Variants in C1D observed in about 807,000 individuals in gnomAD.
C1D encodes the protein C1D nuclear receptor corepressor, also known as nuclear nucleic acid-binding protein C1D.
A neutral mutation model predicts 17.5 loss-of-function variants in C1D; 10 were observed. That is an observed-to-expected ratio of 0.57 (90% CI 0.35 to 0.97). The LOEUF is 0.97. C1D is among the 50% of genes least tolerant of loss of function. C1D has a pLI of 0.01. For missense variants in C1D, 136 were observed against 160.1 expected, an observed-to-expected ratio of 0.85 and a Z score of 0.81; for synonymous variants, 49 against 54.0, an observed-to-expected ratio of 0.91 and a Z score of 0.40.
At chr2:68,050,543 A>G (rs1162087662) in intron 1 of C1D, among the ~76,000 whole-genome samples, 1 of 152,162 alleles carries the variant, frequency 6.6e-6, no homozygotes, top group East Asian at 1.9e-4. Context: ...CTTGAGTGAC[A>G]CTGTTGACTG....
intron 1 of C1D, among the ~76,000 whole-genome samples, chr2:68,048,180 A>G (rs1671186019): frequency 6.6e-6 from 1 of 152,230 alleles, no homozygotes; most frequent in Non-Finnish European, 1.5e-5. Flanking sequence ...CTGACAGCCC[A>G]TGCTTTAAAA....
intron 1 of C1D, among the ~76,000 whole-genome samples, chr2:68,049,266 C>T (rs1456302350): frequency 6.7e-6 from 1 of 149,166 alleles, no homozygotes; most frequent in Non-Finnish European, 1.5e-5. Flanking sequence ...ACCTTACAAA[C>T]AAAAGAGAAT....
chr2:68,054,136 C>G (rs112488360), intron 1 of C1D, among the ~76,000 whole-genome samples: 5 of 152,210 alleles, frequency 3.3e-5, no homozygotes, highest in African/African-American at 9.6e-5. Flanking sequence ...TTCCACCTTA[C>G]GCCTGTTGTT....
At chr2:68,050,305 A>C (rs963097450) in intron 1 of C1D, among the ~76,000 whole-genome samples, 7 of 152,042 alleles carry the variant, frequency 4.6e-5, no homozygotes, top group South Asian at 2.1e-4. Flanking sequence ...AGAAACAAAA[A>C]AAAAAAAAAT....
At chr2:68,058,658 C>A (rs1223724443) in intron 1 of C1D, among the ~76,000 whole-genome samples, 2 of 152,162 alleles carry the variant, frequency 1.3e-5, no homozygotes, top group Admixed American at 1.3e-4. Flanking sequence ...GTGGGATGCT[C>A]TCTGGACAAA....
At position 68,046,398 on chromosome 2, in the gene C1D, C is replaced by G. The variant is rs1475141665; in HGVS notation, c.151G>C (p.Glu51Gln). ...GAAACCAAATCCACTTTTGCTTGTT[C>G]AAGTGGATCCAACTGTTAAAAAAGA... is the stretch of plus-strand genomic sequence containing the variant. The part of the protein sequence containing the change: ...NELLQKLDPL[E>Q]QAKVDLVSAY... The change falls in exon 3 of 5, where the codon GAA becomes CAA. Residue 51 changes from glutamate (E) to glutamine (Q), a missense_variant. Glu to Gln is a conservative substitution (Grantham distance 29). Coordinates refer to ENST00000410067, the MANE Select transcript of C1D (RefSeq NM_173177.3). 1.2e-6 allele frequency: 2 copies of G among 1,609,296 alleles called. No homozygotes were observed. The highest frequency in any genetic ancestry group is 1.7e-6 in the Non-Finnish European group (2 of 1,176,838).
intron 1 of C1D, among the ~76,000 whole-genome samples, chr2:68,051,244 C>A (rs1671272886): frequency 6.6e-6 from 1 of 152,210 alleles, no homozygotes; most frequent in African/African-American, 2.4e-5. Context: ...GTGGGCCCGG[C>A]CTGGTGGCTC....
At chr2:68,057,121 G>T (rs1671461512) in intron 1 of C1D, among the ~76,000 whole-genome samples, 1 of 152,108 alleles carries the variant, frequency 6.6e-6, no homozygotes, top group African/African-American at 2.4e-5. Context: ...GTGAACAAAA[G>T]TTGAAGAACA....
chr2:68,056,310 G>C (rs564029533), intron 1 of C1D, among the ~76,000 whole-genome samples: 9 of 152,060 alleles, frequency 5.9e-5, no homozygotes, highest in African/African-American at 1.9e-4. Context: ...TCACCATGTT[G>C]GCCAGGCTGT....
At chr2:68,049,670 T>C (rs1572882356) in intron 1 of C1D, among the ~76,000 whole-genome samples, 1 of 152,282 alleles carries the variant, frequency 6.6e-6, no homozygotes, top group Non-Finnish European at 1.5e-5. Flanking sequence ...TATTTAGCTG[T>C]TTAAGAATAC....
chr2:68,050,820 G>A (rs1279583973), intron 1 of C1D, among the ~76,000 whole-genome samples: 1 of 152,146 alleles, frequency 6.6e-6, no homozygotes, highest in Non-Finnish European at 1.5e-5. Context: ...AATATCTCTG[G>A]TTGGATGTCT....
intron 1 of C1D, among the ~76,000 whole-genome samples, chr2:68,056,307 G>A (rs1398687441): frequency 6.6e-6 from 1 of 152,024 alleles, no homozygotes; most frequent in Non-Finnish European, 1.5e-5. Flanking sequence ...GTTTCACCAT[G>A]TTGGCCAGGC....
chr2:68,057,688 A>G (rs1173268092), intron 1 of C1D, among the ~76,000 whole-genome samples: 1 of 152,194 alleles, frequency 6.6e-6, no homozygotes, highest in Non-Finnish European at 1.5e-5. Flanking sequence ...ATAAATAAAA[A>G]CTTCGATCAT....
chr2:68,041,263 G>A lies in C1D; in HGVS notation c.*1626C>T, dbSNP rs770413553. 2.0e-5 allele frequency: 3 copies of A among 151,946 alleles called. No homozygotes were observed. Among genetic ancestry groups the A allele is most frequent in the Admixed American group, 6.6e-5 (1 of 15,260 alleles). 9.4% of individuals were successfully genotyped at this position (151,946 alleles called of 1,614,324 possible). A position where few individuals can be genotyped will look rare whatever the true frequency, so the allele number is the denominator to read the frequency against. On this transcript the variant is annotated 3_prime_UTR_variant, in exon 5 of 5. Coordinates refer to ENST00000410067, the MANE Select transcript of C1D (RefSeq NM_173177.3). Reference sequence around the variant, plus strand: ...TAAAAGTTACACAATTTAACAGAACGTAGAGGTGCACTTTCATAAACCAAT... The same window carrying A: ...TAAAAGTTACACAATTTAACAGAACATAGAGGTGCACTTTCATAAACCAAT...
At chr2:68,054,867 G>A (rs1671392948) in intron 1 of C1D, among the ~76,000 whole-genome samples, 1 of 151,772 alleles carries the variant, frequency 6.6e-6, no homozygotes, top group African/African-American at 2.4e-5. Flanking sequence ...TCAGGAGGCT[G>A]AGGTGAGAGA....
At chr2:68,053,290 G>C in intron 1 of C1D, 2 of 1,385,976 alleles carry the variant, frequency 1.4e-6, no homozygotes, top group Non-Finnish European at 1.9e-6. Context: ...CCTCTCACTG[G>C]TTATACAGAA....
chr2:68,049,041 A>T (rs1671210119), intron 1 of C1D, among the ~76,000 whole-genome samples: 1 of 152,128 alleles, frequency 6.6e-6, no homozygotes. Context: ...TACTAAAAAT[A>T]CAAAAATTAG....
At chr2:68,044,395 A>G (rs555696279) in intron 4 of C1D, among the ~76,000 whole-genome samples, 6 of 152,336 alleles carry the variant, frequency 3.9e-5, no homozygotes, top group Admixed American at 1.3e-4. Context: ...ATCATACACT[A>G]AGTCTGTGAT....
chr2:68,057,788 T>C lies in C1D; in HGVS notation c.-10+5170A>G, dbSNP rs558443241. 1.2e-4 allele frequency among the ~76,000 whole-genome samples: 18 copies of C among 152,350 alleles called. No individual in the cohort carries two copies. In the South Asian group the frequency reaches 1.2e-3, roughly 11 times the overall value. On this transcript the variant is annotated intron_variant, in intron 1 of 4. Transcript: ENST00000410067. ...AGCAGCAACAACTAAACCTATATTC[T>C]TTACCACTGTTACATTCAAAGAACC...
Sources: allele counts gnomAD v4.1 joint callset (sites outside exome capture counted in the v4.1 genomes callset), GRCh38; gene constraint gnomAD v4.1.1; transcripts MANE v1.5; gene names NCBI Gene and HGNC (gene_info 2026-07-23, HGNC 2026-07-21).